CPED1: variants seen among roughly 807,000 people sequenced by gnomAD.
CPED1 encodes the protein cadherin like and PC-esterase domain containing 1, also known as cadherin-like and PC-esterase domain-containing protein 1.
A neutral mutation model predicts 128.2 loss-of-function variants in CPED1; 114 were observed. That is an observed-to-expected ratio of 0.89 (90% CI 0.76 to 1.04). CPED1 has a LOEUF of 1.04. Among genes scored for constraint, CPED1 ranks in the 50% least tolerant of loss-of-function variants. The pLI is 0.00. For synonymous variants in CPED1, 462 were observed against 426.7 expected (o/e 1.08, Z -1.02); for missense variants, 1,211 against 1,207.1 (o/e 1.00, Z -0.05).
chr7:121,295,662 A>G lies in CPED1; in HGVS notation c.*10A>G. 1 of 1,611,056 alleles carries G rather than the reference A, an allele frequency of 6.2e-7. No homozygotes were observed. The highest frequency in any genetic ancestry group is 8.5e-7 in the Non-Finnish European group (1 of 1,177,654). The stretch of plus-strand genomic sequence containing the variant: ...TAAAAGGACTATGTAGGCTCCCTGC[A>G]GGAGAGCTGAATCTGGAGCTGGAGA... On this transcript the variant is annotated 3_prime_UTR_variant, in exon 23 of 23. Coordinates refer to ENST00000310396, the MANE Select transcript of CPED1 (RefSeq NM_024913.5).
intron 4 of CPED1, among the ~76,000 whole-genome samples, chr7:121,047,644 C>CCCTT (rs1793231993): frequency 2.2e-5 from 3 of 135,198 alleles, no homozygotes; most frequent in African/African-American, 9.9e-5. Context: ...CTAGATAGCA[C>CCCTT]CTTTCTTCTT....
chr7:121,145,148 TATATAAATTATGTATACTGC>T (rs1421057089), intron 16 of CPED1, among the ~76,000 whole-genome samples: 1 of 151,902 alleles, frequency 6.6e-6, no homozygotes, highest in East Asian at 1.9e-4. Context: ...TGTATATATA[TATATAAATTATGTATACTGC>T]ATATAAATTA....
chr7:121,268,621 C>T (rs1335404430), intron 21 of CPED1, among the ~76,000 whole-genome samples: 1 of 149,054 alleles, frequency 6.7e-6, no homozygotes. Context: ...TCCCTTGCTA[C>T]CAGTGCATGT....
intron 3 of CPED1, among the ~76,000 whole-genome samples, chr7:121,026,827 CTTTTTTTTT>C (rs71170219): frequency 2.4e-5 from 2 of 83,472 alleles, no homozygotes; most frequent in Non-Finnish European, 4.4e-5. Context: ...CCTGTCAGTT[CTTTTTTTTT>C]TTTTTTTTTT....
Position 120,989,605 on chromosome 7 carries a change from G to T in CPED1, c.-17G>T. ...TTCCCGCAACGTGGACAGGGGCCAA[G>T]TGAAGCTGAACTGGTCATGGTCTGT... On this transcript the variant is annotated 5_prime_UTR_variant, in exon 2 of 23. Coordinates refer to ENST00000310396, the MANE Select transcript of CPED1 (RefSeq NM_024913.5). 6.2e-7 allele frequency: 1 copy of T among 1,612,374 alleles called. No individual in the cohort carries two copies. Among genetic ancestry groups the T allele is most frequent in the Non-Finnish European group, 8.5e-7 (1 of 1,179,218 alleles).
intron 18 of CPED1, among the ~76,000 whole-genome samples, chr7:121,244,963 G>A (rs575592691): frequency 1.2e-4 from 19 of 152,228 alleles, no homozygotes; most frequent in East Asian, 7.7e-4. Flanking sequence ...CAGAACTCTC[G>A]GATATGCAAA....
chr7:121,118,702 A>G (rs1411221457), intron 7 of CPED1, among the ~76,000 whole-genome samples: 1 of 152,174 alleles, frequency 6.6e-6, no homozygotes, highest in Non-Finnish European at 1.5e-5. Context: ...ACCGTCCTGC[A>G]GGTTGTACAG....
chr7:121,226,120 T>C (rs532330235), intron 16 of CPED1, among the ~76,000 whole-genome samples: 1 of 152,266 alleles, frequency 6.6e-6, no homozygotes, highest in South Asian at 2.1e-4. Flanking sequence ...TATGGTTTTA[T>C]CTACCTTTGG....
chr7:121,207,843 ACT>A (rs1477851408), intron 16 of CPED1, among the ~76,000 whole-genome samples: 1 of 151,488 alleles, frequency 6.6e-6, no homozygotes, highest in East Asian at 1.9e-4. Flanking sequence ...GGAACCCCAA[ACT>A]CTTCTCATTT....
At chr7:121,173,291 G>A (rs182554194) in intron 16 of CPED1, among the ~76,000 whole-genome samples, 39 of 152,058 alleles carry the variant, frequency 2.6e-4, no homozygotes, top group Middle Eastern at 3.4e-3. Context: ...ACATGTGCAG[G>A]TTTGTTACAT....
chr7:121,049,429 T>C (rs559693756), intron 4 of CPED1, among the ~76,000 whole-genome samples: 1 of 152,292 alleles, frequency 6.6e-6, no homozygotes, highest in South Asian at 2.1e-4. Context: ...ACACCCCACC[T>C]CTCTCTACTG....
intron 16 of CPED1, among the ~76,000 whole-genome samples, chr7:121,223,620 A>G (rs1797936770): frequency 6.6e-6 from 1 of 152,118 alleles, no homozygotes; most frequent in African/African-American, 2.4e-5. Context: ...GCTATTAATT[A>G]TTGCCTCAAT....
chr7:121,085,653 C>G (rs1245129394), intron 5 of CPED1, among the ~76,000 whole-genome samples: 86 of 152,098 alleles, frequency 5.7e-4, no homozygotes, highest in Non-Finnish European at 7.4e-5. Context: ...TACTATTAAA[C>G]CTCATGCATA....
chr7:121,215,220 G>T (rs1412247518), intron 16 of CPED1, among the ~76,000 whole-genome samples: 1 of 151,994 alleles, frequency 6.6e-6, no homozygotes, highest in Non-Finnish European at 1.5e-5. Flanking sequence ...TTTTGGCTCT[G>T]TTTGATGTGT....
At chr7:121,159,875 TCAAAC>T (rs1408725699) in intron 16 of CPED1, among the ~76,000 whole-genome samples, 1 of 152,212 alleles carries the variant, frequency 6.6e-6, no homozygotes, top group East Asian at 1.9e-4. Context: ...ATGATACTGT[TCAAAC>T]CAAATACAAA....
intron 3 of CPED1, among the ~76,000 whole-genome samples, chr7:121,038,989 T>C (rs1486991252): frequency 6.6e-6 from 1 of 152,114 alleles, no homozygotes; most frequent in East Asian, 1.9e-4. Context: ...TTGCTAGGTT[T>C]TTCCACTACA....
intron 18 of CPED1, among the ~76,000 whole-genome samples, chr7:121,252,966 A>G (rs1264597184): frequency 6.6e-6 from 1 of 152,198 alleles, no homozygotes; most frequent in Admixed American, 6.6e-5. Context: ...TACTGGGTAT[A>G]TACCCAGAGG....
At chr7:121,110,138 C>T (rs1038138097) in intron 7 of CPED1, among the ~76,000 whole-genome samples, 1 of 152,114 alleles carries the variant, frequency 6.6e-6, no homozygotes, top group African/African-American at 2.4e-5. Context: ...CATCTATGGA[C>T]CACTTTCCAT....
At chr7:121,021,817 G>A (rs2116831487) in intron 3 of CPED1, among the ~76,000 whole-genome samples, 1 of 152,128 alleles carries the variant, frequency 6.6e-6, no homozygotes, top group East Asian at 1.9e-4. Context: ...TGTTACTGCT[G>A]TCAAGAAGTA....
Sources: allele counts gnomAD v4.1 joint callset (sites outside exome capture counted in the v4.1 genomes callset), GRCh38; gene constraint gnomAD v4.1.1; transcripts MANE v1.5; gene names NCBI Gene and HGNC (gene_info 2026-07-23, HGNC 2026-07-21).